The following DACH2 variants were observed in gnomAD, a reference collection of about 807,000 sequenced individuals.
DACH2 encodes the protein dachshund family transcription factor 2, also known as dachshund homolog 2.
A neutral mutation model predicts 35.8 loss-of-function variants in DACH2; 17 were observed. The ratio of observed to expected loss-of-function variants is 0.48; its 90% CI spans 0.33 to 0.71. The LOEUF is 0.71. Among genes scored for constraint, DACH2 ranks in the 30% least tolerant of loss-of-function variants. DACH2 has a pLI of 0.02. For missense variants in DACH2, 469 were observed against 472.7 expected (o/e 0.99, Z 0.07); for synonymous variants, 195 against 177.3 (o/e 1.10, Z -0.79).
chrX:86,695,502 CAT>C (rs1338985587), intron 5 of DACH2, among the ~76,000 whole-genome samples: 1 of 106,685 alleles, frequency 9.4e-6, no homozygotes, highest in South Asian at 4.2e-4. Context: ...TTGAATTCCA[CAT>C]GTTTTGAATT....
chrX:86,680,775 C>T (rs916487291), intron 4 of DACH2, among the ~76,000 whole-genome samples: 4 of 107,380 alleles, frequency 3.7e-5, no homozygotes, highest in African/African-American at 1.4e-4. Flanking sequence ...TGCCTCAGTA[C>T]CTGAGACTAC....
At chrX:86,521,861 C>CA (rs763115505) in intron 3 of DACH2, among the ~76,000 whole-genome samples, 5 of 110,895 alleles carry the variant, frequency 4.5e-5, no homozygotes, top group Non-Finnish European at 7.6e-5. Flanking sequence ...CAGGTGCATG[C>CA]AAAAAATGCC....
intron 2 of DACH2, among the ~76,000 whole-genome samples, chrX:86,404,490 A>G (rs1264109523): frequency 1.8e-5 from 2 of 112,060 alleles, no homozygotes; most frequent in Non-Finnish European, 3.8e-5. Flanking sequence ...TTCCAAAATT[A>G]TCTCCCTGGA....
In DACH2 at chrX:86,302,076, G is replaced by T. The variant is rs189562237; in HGVS notation, c.489-74748G>T. ...TTGGCTTAAATGTCTTGTACTTAAT[G>T]CATGAAGAAAAAAATGAAAGGAAAA... On this transcript the variant is annotated intron_variant, in intron 1 of 11. Coordinates refer to ENST00000373125, the MANE Select transcript of DACH2 (RefSeq NM_053281.3). Among the ~76,000 whole-genome samples, 36 of 111,267 alleles carry T rather than the reference G, an allele frequency of 3.2e-4. 1 individual carries two copies. The Admixed American group carries it at 3.2e-3, about 10-fold the overall frequency.
chrX:86,399,786 A>C (rs1214415935), intron 2 of DACH2, among the ~76,000 whole-genome samples: 2 of 111,326 alleles, frequency 1.8e-5, no homozygotes, highest in Non-Finnish European at 3.8e-5. Flanking sequence ...GTGGGTAACC[A>C]GACCTTTCTC....
intron 7 of DACH2, among the ~76,000 whole-genome samples, chrX:86,808,783 A>G (rs1452436385): frequency 9.0e-6 from 1 of 111,391 alleles, no homozygotes; most frequent in Admixed American, 9.6e-5. Flanking sequence ...CTGCTGAGTT[A>G]GTCAGCTGTG....
At chrX:86,398,112 C>G (rs1365004535) in intron 2 of DACH2, among the ~76,000 whole-genome samples, 11 of 111,900 alleles carry the variant, frequency 9.8e-5, no homozygotes, top group African/African-American at 3.3e-4. Flanking sequence ...CTGGTTTAGT[C>G]TTCGGATGGT....
In DACH2 at chrX:86,473,863, C is replaced by T. The variant is rs763609854; in HGVS notation, c.528-40416C>T. ...GATATCTCTTTGGTTTACCGATTTC[C>T]TTTCATTTGGGTATATACTCAGCAT... is the stretch of plus-strand genomic sequence containing the variant. On this transcript the variant is annotated intron_variant, in intron 2 of 11. Transcript: ENST00000373125. Among the ~76,000 whole-genome samples, 3 of 106,615 alleles carry T rather than the reference C, an allele frequency of 2.8e-5. No homozygotes were observed. The South Asian group carries it at 1.2e-3, about 44-fold the overall frequency. 92.6% of individuals were successfully genotyped at this position (106,615 alleles called of 115,157 possible).
At chrX:86,187,209 AG>A (rs1048674094) in intron 1 of DACH2, among the ~76,000 whole-genome samples, 2 of 111,370 alleles carry the variant, frequency 1.8e-5, no homozygotes, top group African/African-American at 6.5e-5. Context: ...ATATGGTTAG[AG>A]GTGTCACCTA....
At chrX:86,586,770 A>G (rs949271594) in intron 3 of DACH2, among the ~76,000 whole-genome samples, 9 of 110,782 alleles carry the variant, frequency 8.1e-5, no homozygotes, top group Non-Finnish European at 1.3e-4. Flanking sequence ...TTCTGTTCCA[A>G]TGGTCTGTGT....
intron 3 of DACH2, among the ~76,000 whole-genome samples, chrX:86,608,554 T>C (rs2039890223): frequency 8.9e-6 from 1 of 112,242 alleles, no homozygotes; most frequent in Non-Finnish European, 1.9e-5. Context: ...ACCTTCAGGT[T>C]ATTACTTATT....
chrX:86,769,997 A>AT (rs1207126762), intron 7 of DACH2, among the ~76,000 whole-genome samples: 1 of 107,431 alleles, frequency 9.3e-6, no homozygotes, highest in Non-Finnish European at 1.9e-5. Flanking sequence ...CCCCTTCTCT[A>AT]TAAAAAAAAT....
chrX:86,783,814 A>T (rs1477769146), intron 7 of DACH2, among the ~76,000 whole-genome samples: 3 of 111,518 alleles, frequency 2.7e-5, no homozygotes. Context: ...CATACAGAAT[A>T]GAAAGAAGGC....
intron 2 of DACH2, among the ~76,000 whole-genome samples, chrX:86,377,426 G>C (rs775672262): frequency 4.5e-5 from 5 of 111,148 alleles, no homozygotes; most frequent in Non-Finnish European, 9.5e-5. Flanking sequence ...GGAAGTCTAA[G>C]AAGATTTATA....
intron 3 of DACH2, among the ~76,000 whole-genome samples, chrX:86,613,706 C>T (rs992606291): frequency 2.7e-5 from 3 of 111,249 alleles, no homozygotes; most frequent in Admixed American, 1.9e-4. Flanking sequence ...AAGGTACTAT[C>T]ATTGATGCCT....
chrX:86,505,685 G>A (rs768044511), intron 2 of DACH2, among the ~76,000 whole-genome samples: 103 of 111,801 alleles, frequency 9.2e-4, no homozygotes, highest in African/African-American at 3.2e-3. Flanking sequence ...CTAATTACAC[G>A]TATGTATCAG....
chrX:86,317,948 G>A (rs2148033054), intron 1 of DACH2, among the ~76,000 whole-genome samples: 1 of 111,735 alleles, frequency 8.9e-6, no homozygotes, highest in African/African-American at 3.3e-5. Flanking sequence ...GGCTTTGCAA[G>A]TCAAGCTTGA....
intron 7 of DACH2, among the ~76,000 whole-genome samples, chrX:86,779,205 G>A (rs1353688184): frequency 1.8e-5 from 2 of 111,835 alleles, no homozygotes; most frequent in Non-Finnish European, 3.8e-5. Context: ...TGTTAGTGGA[G>A]ACTAAAGACA....
intron 1 of DACH2, among the ~76,000 whole-genome samples, chrX:86,173,994 GA>G (rs1417243476): frequency 9.0e-6 from 1 of 110,714 alleles, no homozygotes; most frequent in African/African-American, 3.3e-5. Flanking sequence ...GTGAGAGAAA[GA>G]AAAGAGTCAC....
Sources: allele counts gnomAD v4.1 joint callset (sites outside exome capture counted in the v4.1 genomes callset), GRCh38; gene constraint gnomAD v4.1.1; transcripts MANE v1.5; gene names NCBI Gene and HGNC (gene_info 2026-07-23, HGNC 2026-07-21).